Variants in ARHGAP27 observed in about 807,000 individuals in gnomAD.
ARHGAP27 encodes the protein Rho GTPase activating protein 27, also known as rho GTPase-activating protein 27.
ARHGAP27 carries 53 observed loss-of-function variants against 102.0 expected under a neutral mutation model. The ratio of observed to expected loss-of-function variants is 0.52; its 90% confidence interval spans 0.42 to 0.65. ARHGAP27 has a LOEUF of 0.65. Among genes scored for constraint, ARHGAP27 ranks in the 30% least tolerant of loss-of-function variants. The pLI is 0.00. For synonymous variants in ARHGAP27, 525 were observed against 542.8 expected (o/e 0.97, Z 0.46); for missense variants, 1,117 against 1,256.2 (o/e 0.89, Z 1.68).
At chr17:45,404,392 C>G (rs2046868815) in intron 8 of ARHGAP27, 53 bp downstream of exon 8, 1 of 1,613,038 alleles carries the variant, frequency 6.2e-7, no homozygotes, top group African/African-American at 1.3e-5. Flanking sequence ...CTCCAGAAGC[C>G]CCCCACTGCT....
At chr17:45,431,850 C>G (rs910510451) in intron 2 of ARHGAP27, 98 bp from the exon 3 acceptor site, 2 of 174,924 alleles carry the variant, frequency 1.1e-5, no homozygotes, top group African/African-American at 4.8e-5. Flanking sequence ...AGCCTGAATG[C>G]CTCTGCTGGG....
intron 4 of ARHGAP27, among the ~76,000 whole-genome samples, chr17:45,417,105 G>A (rs2048544519): frequency 6.7e-6 from 1 of 149,280 alleles, no homozygotes; most frequent in Non-Finnish European, 1.5e-5. Context: ...GTGGTGAGCC[G>A]AGATCGAGCC....
chr17:45,428,613 C>T (rs1231421138), intron 4 of ARHGAP27, among the ~76,000 whole-genome samples: 1 of 152,176 alleles, frequency 6.6e-6, no homozygotes, highest in Non-Finnish European at 1.5e-5. Context: ...AGTCCTGGCA[C>T]ATAGTGGGCA....
chr17:45,404,652 C>T lies in ARHGAP27; in HGVS notation c.1278G>A (p.Lys426=), dbSNP rs200154271. The part of the protein sequence containing the change: ...QWVRLEDPHG[K]PYFYNPEDSS... ...AGTCCTCTGGATTGTAGAAGTATGG[C>T]TTCCCGTGGGGGTCCTCCAGCCTCA... is the stretch of plus-strand genomic sequence containing the variant. Residue 426 remains lysine, a synonymous_variant, in exon 7 of 20, where the codon AAG becomes AAA. Transcript: ENST00000685559. 12 of 1,612,982 alleles carry T rather than the reference C, an allele frequency of 7.4e-6. No homozygotes were observed. In the East Asian group the frequency reaches 2.7e-4, roughly 36 times the overall value.
intron 11 of ARHGAP27, 122 bp from the exon 12 acceptor site, chr17:45,402,940 G>A: frequency 3.5e-6 from 3 of 859,584 alleles, no homozygotes; most frequent in Non-Finnish European, 5.6e-6. Context: ...GGGGAAAAGT[G>A]CCCCAAGTGT....
intron 4 of ARHGAP27, among the ~76,000 whole-genome samples, chr17:45,410,797 G>A (rs1160106486): frequency 6.6e-6 from 1 of 152,020 alleles, no homozygotes; most frequent in Admixed American, 6.6e-5. Context: ...TCTAGGCCCA[G>A]GGAGGGTGTA....
chr17:45,428,964 AC>A (rs755604137), intron 4 of ARHGAP27, among the ~76,000 whole-genome samples: 10 of 152,246 alleles, frequency 6.6e-5, no homozygotes, highest in African/African-American at 1.9e-4. Context: ...GGGGAAAAAA[AC>A]AACCTCACTT....
chr17:45,407,381 C>A (rs139759935), intron 4 of ARHGAP27, among the ~76,000 whole-genome samples: 1 of 152,210 alleles, frequency 6.6e-6, no homozygotes, highest in African/African-American at 2.4e-5. Flanking sequence ...TCCCCCCATC[C>A]CCGTGCCCCC....
intron 9 of ARHGAP27, 58 bp downstream of exon 9, chr17:45,404,211 C>T: frequency 1.2e-6 from 2 of 1,611,988 alleles, no homozygotes; most frequent in Non-Finnish European, 1.7e-6. Flanking sequence ...GCCCGTGTCT[C>T]CACTGAACCC....
chr17:45,403,479 AG>A, intron 11 of ARHGAP27, 139 bp downstream of exon 11: 1 of 667,778 alleles, frequency 1.5e-6, no homozygotes, highest in Non-Finnish European at 2.5e-6. Context: ...AGCACTCAGG[AG>A]GGAGAGGTTG....
intron 4 of ARHGAP27, chr17:45,429,336 C>A: frequency 9.5e-7 from 1 of 1,051,222 alleles, no homozygotes; most frequent in Non-Finnish European, 1.3e-6. Context: ...AAATAAAGAC[C>A]ATCAGCAGCC....
At chr17:45,414,756 C>T (rs1018114638) in intron 4 of ARHGAP27, among the ~76,000 whole-genome samples, 18 of 148,758 alleles carry the variant, frequency 1.2e-4, no homozygotes, top group Non-Finnish European at 1.9e-4. Context: ...ATTGGTCTCT[C>T]CATCTTAAAA....
Position 45,405,979 on chromosome 17 carries a change from C to T in ARHGAP27, c.762G>A (p.Thr254=), listed in dbSNP as rs910538906. The change falls in exon 5 of 20, where the codon ACG becomes ACA. Residue 254 remains threonine, a synonymous_variant. Transcript: ENST00000685559. ...AAPLPSPVWE[T]HTDAGTGRPY... ...GGCGCCCGGTGCCCGCGTCCGTGTG[C>T]GTCTCCCACACCGGGCTGGGAAGGG... The T allele has an allele frequency of 2.0e-6, 3 of 1,535,608 alleles. No homozygotes were observed. Among genetic ancestry groups the T allele is most frequent in the Non-Finnish European group, 2.6e-6 (3 of 1,146,686 alleles).
chr17:45,396,393 C>A, intron 16 of ARHGAP27, 94 bp downstream of exon 16: 1 of 1,463,124 alleles, frequency 6.8e-7, no homozygotes, highest in Non-Finnish European at 9.1e-7. Flanking sequence ...CCCCCTGGAC[C>A]CTGCGTCCAT....
intron 4 of ARHGAP27, among the ~76,000 whole-genome samples, chr17:45,410,709 C>T (rs2047819390): frequency 2.0e-5 from 3 of 151,706 alleles, no homozygotes; most frequent in South Asian, 4.2e-4. Flanking sequence ...GCAGAGGGGG[C>T]GCTGAGTGCT....
In ARHGAP27 at chr17:45,402,716, C is replaced by G; in HGVS notation, c.1741G>C (p.Glu581Gln). The G allele has an allele frequency of 1.2e-6, 2 of 1,610,966 alleles. No individual in the cohort carries two copies. Among genetic ancestry groups the G allele is most frequent in the Non-Finnish European group, 1.7e-6 (2 of 1,177,258 alleles). Reference sequence around the variant, plus strand: ...TTCTCCCCAACCCCGCCACTCACCTCCAGCACATTCTTCCTACTGGATTTG... The same window carrying G: ...TTCTCCCCAACCCCGCCACTCACCTGCAGCACATTCTTCCTACTGGATTTG... ...KDKSSRKNVL[E>Q]LRSRDGSEYL... Residue 581 changes from glutamate to glutamine, a missense_variant and splice_region_variant, in exon 12 of 20, where the codon GAG (glutamate) becomes CAG (glutamine). This residue lies in a region of ARHGAP27 where 493 missense variants were observed against 505.5 expected (regional missense o/e 0.98). Transcript: ENST00000685559.
intron 11 of ARHGAP27, 68 bp from the exon 12 acceptor site, chr17:45,402,886 C>A: frequency 1.5e-6 from 2 of 1,364,456 alleles, no homozygotes; most frequent in South Asian, 2.4e-5. Flanking sequence ...CACTCTGACC[C>A]TAGGAATAGG....
At chr17:45,421,637 T>C (rs565910666) in intron 4 of ARHGAP27, among the ~76,000 whole-genome samples, 57 of 152,062 alleles carry the variant, frequency 3.7e-4, no homozygotes, top group African/African-American at 1.3e-3. Context: ...CTAAAGAATA[T>C]GTGTTTGATT....
At chr17:45,405,477 G>A (rs956678233) in intron 5 of ARHGAP27, among the ~76,000 whole-genome samples, 199 bp downstream of exon 5, 17 of 151,758 alleles carry the variant, frequency 1.1e-4, no homozygotes, top group Non-Finnish European at 2.2e-4. Flanking sequence ...CTCAGAGGTA[G>A]CCCCGCCCAC....
Sources: allele counts gnomAD v4.1 joint callset (sites outside exome capture counted in the v4.1 genomes callset), GRCh38; gene constraint gnomAD v4.1.1; regional missense constraint gnomAD v4.1.1; transcripts MANE v1.5; gene names NCBI Gene and HGNC (gene_info 2026-07-23, HGNC 2026-07-21).